The following CPM variants were observed in gnomAD, a reference collection of about 807,000 sequenced individuals.
CPM encodes the protein renal carboxypeptidase.
In CPM, 35 loss-of-function variants were observed where a neutral mutation model predicts 46.4. The ratio of observed to expected loss-of-function variants is 0.75; its 90% CI spans 0.58 to 1.00. The LOEUF is 1.00. Ranked by LOEUF, CPM falls within the 50% of genes least tolerant of loss-of-function variation. The probability of loss-of-function intolerance (pLI) is 0.00; values close to 1 mark genes in which losing one functional copy is unlikely to be tolerated. For missense variants in CPM, 422 were observed against 530.4 expected (o/e 0.80, Z 2.01); for synonymous variants, 195 against 195.3 (o/e 1.00, Z 0.01).
At chr12:68,843,546 T>A (rs1883991788) in intron 5 of CPM, 1 of 226,742 alleles carries the variant, frequency 4.4e-6, no homozygotes, top group Admixed American at 5.7e-5. Context: ...AGCAAAACAG[T>A]GAAAATAACC....
rs1033616890 is a variant in CPM, at chr12:68,856,268, C to T, written c.*169G>A. ...AAGACTGAATCATTCTTTTCATTAT[C>T]ACCACATATTGCTTATTGTGGAATT... On this transcript the variant is annotated 3_prime_UTR_variant, in exon 9 of 9. Coordinates refer to ENST00000551568, the MANE Select transcript of CPM (RefSeq NM_198320.5). 168 of 712,186 alleles carry T rather than the reference C, an allele frequency of 2.4e-4. No homozygotes were observed. Among genetic ancestry groups the T allele is most frequent in the Non-Finnish European group, 3.7e-4 (161 of 434,796 alleles). The allele number at this position is 712,186 out of a possible 1,614,324, so 44.1% of individuals were successfully genotyped here. A position where few individuals can be genotyped will look rare whatever the true frequency, so the allele number is the denominator to read the frequency against.
intron 2 of CPM, among the ~76,000 whole-genome samples, chr12:68,911,202 T>C (rs985433035): frequency 6.6e-6 from 1 of 152,218 alleles, no homozygotes. Context: ...TTTCCTAATC[T>C]GGACCTCAGA....
chr12:68,956,375 C>G (rs992469480), intron 1 of CPM, among the ~76,000 whole-genome samples: 1 of 152,154 alleles, frequency 6.6e-6, no homozygotes, highest in African/African-American at 2.4e-5. Context: ...CCCAGGAGGG[C>G]AGGGATCCCA....
intron 1 of CPM, among the ~76,000 whole-genome samples, chr12:68,951,342 C>A (rs1438388543): frequency 2.0e-5 from 3 of 152,188 alleles, no homozygotes; most frequent in South Asian, 4.1e-4. Context: ...CTGACCTGAT[C>A]ATGCTTAGGG....
chr12:68,934,430 T>C (rs1391929577), upstream of CPM, among the ~76,000 whole-genome samples: 1 of 152,152 alleles, frequency 6.6e-6, no homozygotes, highest in Non-Finnish European at 1.5e-5. Flanking sequence ...TTTCCTAGAA[T>C]TGCGCACTCA....
At chr12:68,879,273 T>C (rs1404145240) in intron 3 of CPM, among the ~76,000 whole-genome samples, 1 of 152,232 alleles carries the variant, frequency 6.6e-6, no homozygotes, top group African/African-American at 2.4e-5. Context: ...TTAAGACCCT[T>C]GGCACTGAGG....
chr12:68,897,732 G>A (rs867730613), intron 2 of CPM, among the ~76,000 whole-genome samples: 30 of 84,892 alleles, frequency 3.5e-4, no homozygotes, highest in African/African-American at 9.7e-4. Flanking sequence ...GCGAGACTCC[G>A]TTTCAAAAAA....
rs747811470 is a variant in CPM at position 68,859,051 on chromosome 12, C to A, written c.961G>T (p.Asp321Tyr). 5.9e-6 allele frequency: 9 copies of A among 1,525,956 alleles called. No homozygotes were observed. Among genetic ancestry groups the A allele is most frequent in the East Asian group, 2.4e-5 (1 of 40,914 alleles). The allele number at this position is 1,525,956 out of a possible 1,614,324, so 94.5% of individuals were successfully genotyped here. Residue 321 changes from aspartate to tyrosine, a missense_variant, in exon 8 of 9, where the codon GAT becomes TAT. Transcript: ENST00000551568. ...VHLGVKGQVFDQNGNPLPNVI... is the reference protein window; with the variant it reads ...VHLGVKGQVFYQNGNPLPNVI... ...TTGGGTAATGGATTTCCATTCTGATCAAAAACTTGACCCTTTACACCTGCA... is the reference window on the plus strand; with the variant it reads ...TTGGGTAATGGATTTCCATTCTGATAAAAAACTTGACCCTTTACACCTGCA...
chr12:68,955,034 C>T (rs999561178), intron 1 of CPM, among the ~76,000 whole-genome samples: 4 of 152,148 alleles, frequency 2.6e-5, no homozygotes, highest in African/African-American at 4.8e-5. Context: ...CTGGACCCTG[C>T]GCTTGCTTGC....
At position 68,852,205 on chromosome 12, in the gene CPM, G is replaced by A. The variant is rs1884726672; in HGVS notation, c.*4232C>T. 6.6e-6 allele frequency: 1 copy of A among 152,226 alleles called. No homozygotes were observed. Among genetic ancestry groups the A allele is most frequent in the South Asian group, 2.1e-4 (1 of 4,838 alleles). The allele number at this position is 152,226 out of a possible 1,614,324, so 9.4% of individuals were successfully genotyped here. ...ATTTCAGATACATCCAACAGTTCAT[G>A]TCTGAATGTAATTAAGCATCCAAAT... On this transcript the variant is annotated 3_prime_UTR_variant, in exon 9 of 9. Coordinates refer to ENST00000551568, the MANE Select transcript of CPM (RefSeq NM_198320.5).
rs1178701275 is a variant in CPM at position 68,854,508 on chromosome 12, A to G, written c.*1929T>C. On this transcript the variant is annotated 3_prime_UTR_variant, in exon 9 of 9. Transcript: ENST00000551568. Reference sequence around the variant, plus strand: ...CCCTAACCCCAGACTGCCTGCGAAGAGGTGAAATGGAATTGAATGGGATTA... The same window carrying G: ...CCCTAACCCCAGACTGCCTGCGAAGGGGTGAAATGGAATTGAATGGGATTA... The G allele has an allele frequency of 1.3e-5, 2 of 152,184 alleles. No homozygotes were observed. Among genetic ancestry groups the G allele is most frequent in the African/African-American group, 2.4e-5 (1 of 41,434 alleles). 9.4% of individuals were successfully genotyped at this position (152,184 alleles called of 1,614,324 possible).
intron 2 of CPM, among the ~76,000 whole-genome samples, chr12:68,910,778 A>G (rs1887563041): frequency 6.6e-6 from 1 of 152,172 alleles, no homozygotes. Flanking sequence ...CTACAAATAC[A>G]ATGCTGTATA....
intron 3 of CPM, among the ~76,000 whole-genome samples, chr12:68,883,372 C>A (rs1432040864): frequency 6.6e-6 from 1 of 152,140 alleles, no homozygotes; most frequent in African/African-American, 2.4e-5. Context: ...CAGCTCCTAG[C>A]GGCATGGGGA....
intron 1 of CPM, among the ~76,000 whole-genome samples, chr12:68,957,158 T>C (rs1889034064): frequency 6.6e-6 from 1 of 152,056 alleles, no homozygotes; most frequent in Non-Finnish European, 1.5e-5. Flanking sequence ...AGCAAGAAGG[T>C]CTCATGTCCT....
chr12:68,867,958 T>TCCAGG (rs1188670417), intron 6 of CPM, among the ~76,000 whole-genome samples: 3 of 152,086 alleles, frequency 2.0e-5, no homozygotes, highest in African/African-American at 7.2e-5. Flanking sequence ...CAACAAAACA[T>TCCAGG]CCAGGCCAGG....
At position 68,870,196 on chromosome 12, in the gene CPM, T is replaced by C. The variant is rs2136230588; in HGVS notation, c.616+19A>G. 2 of 1,606,758 alleles carry C rather than the reference T, an allele frequency of 1.2e-6. No individual in the cohort carries two copies. The highest frequency in any genetic ancestry group is 1.7e-5 in the Admixed American group (1 of 58,924). On this transcript the variant is annotated intron_variant, in intron 5 of 8. Transcript: ENST00000551568. ...CACTCTGGACTTAAGAAGCCAGAAC[T>C]GGACCCGCACCTGCTTACCTTGAAC... is the stretch of plus-strand genomic sequence containing the variant.
chr12:68,883,933 TAAA>T (rs34696352), intron 3 of CPM, among the ~76,000 whole-genome samples: 5 of 136,640 alleles, frequency 3.7e-5, no homozygotes, highest in Non-Finnish European at 7.7e-5. Flanking sequence ...CCATCTCTAC[TAAA>T]AAAAAAAAAA....
intron 1 of CPM, among the ~76,000 whole-genome samples, chr12:68,940,802 C>T (rs1888748058): frequency 6.6e-6 from 1 of 152,018 alleles, no homozygotes. Context: ...GCCCTTTATT[C>T]TGAGACCATG....
At chr12:68,939,705 A>G (rs1888731935) in intron 1 of CPM, among the ~76,000 whole-genome samples, 1 of 152,076 alleles carries the variant, frequency 6.6e-6, no homozygotes, top group African/African-American at 2.4e-5. Context: ...AAATTATGCA[A>G]TCATATTTTG....
Sources: gnomAD v4.1 joint callset for allele counts (sites outside exome capture counted in the v4.1 genomes callset) on GRCh38, gnomAD v4.1.1 for gene constraint, MANE v1.5 for transcripts, NCBI Gene and HGNC (gene_info 2026-07-23, HGNC 2026-07-21) for gene names.